The following ZFPM1 variants were observed in gnomAD, a reference collection of about 807,000 sequenced individuals.
The protein encoded by ZFPM1 is zinc finger protein, FOG family member 1, also known as zinc finger protein ZFPM1.
ZFPM1 carries 28 observed loss-of-function variants against 46.3 expected under a neutral mutation model. That is an observed-to-expected ratio of 0.60 (90% CI 0.45 to 0.83). The LOEUF (loss-of-function observed/expected upper bound fraction) is 0.83. Among genes scored for constraint, ZFPM1 ranks in the 40% least tolerant of loss-of-function variants. ZFPM1 has a pLI of 0.00. For synonymous variants in ZFPM1, 957 were observed against 675.9 expected (o/e 1.42, Z -6.45); for missense variants, 1,878 against 1,432.4 (o/e 1.31, Z -5.02).
At chr16:88,464,853 C>T (rs1023830866) in intron 1 of ZFPM1, among the ~76,000 whole-genome samples, 1 of 152,130 alleles carries the variant, frequency 6.6e-6, no homozygotes, top group African/African-American at 2.4e-5. Context: ...ACCAGCTTCT[C>T]GGTGGCCAAT....
intron 3 of ZFPM1, among the ~76,000 whole-genome samples, chr16:88,491,416 G>A (rs1909566887): frequency 6.6e-6 from 1 of 152,204 alleles, no homozygotes; most frequent in Admixed American, 6.5e-5. Flanking sequence ...CCCCAAGAGG[G>A]GCCGAGATGG....
chr16:88,536,650 T>C lies in ZFPM1; in HGVS notation c.*1671T>C, dbSNP rs1186163828. ...GGGCCTGGGTCTGCAGCGCTTTCAG[T>C]GGTCTCTGATGTCTTTGTCCACCTG... On this transcript the variant is annotated 3_prime_UTR_variant, in exon 10 of 10. Transcript: ENST00000319555. 1.3e-5 allele frequency: 2 copies of C among 152,296 alleles called. No homozygotes were observed. The highest frequency in any genetic ancestry group is 4.8e-5 in the African/African-American group (2 of 41,444). The allele number at this position is 152,296 out of a possible 1,614,324, so 9.4% of individuals were successfully genotyped here. A position where few individuals can be genotyped will look rare whatever the true frequency, so the allele number is the denominator to read the frequency against.
chr16:88,493,523 GGAGCTGTCCCGGGGTGGGGA>G (rs780360291), intron 3 of ZFPM1, among the ~76,000 whole-genome samples: 17,437 of 111,322 alleles, frequency 0.16, 1,659 homozygotes, highest in South Asian at 0.21. Context: ...CAGGGTGCGG[GGAGCTGTCCCGGGGTGGGGA>G]GAGCTGTCCC....
chr16:88,528,023 TC>T lies in ZFPM1; in HGVS notation c.506-6del. ...AAAGTCCTAGGTTTGGACACCTGTC[TC>T]CCTCCAGATGACGCACTCTGGTGCA... On this transcript the variant is annotated splice_polypyrimidine_tract_variant and splice_region_variant and intron_variant, in intron 5 of 9. Transcript: ENST00000319555. The T allele has an allele frequency of 6.5e-7, 1 of 1,532,064 alleles. No individual in the cohort carries two copies. Among genetic ancestry groups the T allele is most frequent in the Non-Finnish European group, 8.8e-7 (1 of 1,133,952 alleles). The allele number at this position is 1,532,064 out of a possible 1,614,324, so 94.9% of individuals were successfully genotyped here. A position where few individuals can be genotyped will look rare whatever the true frequency, so the allele number is the denominator to read the frequency against.
At chr16:88,512,212 G>A (rs1911008051) in intron 3 of ZFPM1, among the ~76,000 whole-genome samples, 2 of 152,210 alleles carry the variant, frequency 1.3e-5, no homozygotes, top group Admixed American at 1.3e-4. Context: ...GGGTAGGGTG[G>A]GCACCAGTTC....
intron 5 of ZFPM1, among the ~76,000 whole-genome samples, chr16:88,527,747 T>C (rs1016355959): frequency 6.6e-6 from 1 of 151,678 alleles, no homozygotes; most frequent in African/African-American, 2.4e-5. Flanking sequence ...TCTCCCCTAG[T>C]TACTCCACCA....
chr16:88,482,468 C>T (rs1257635871), intron 1 of ZFPM1, among the ~76,000 whole-genome samples: 1 of 152,232 alleles, frequency 6.6e-6, no homozygotes, highest in Non-Finnish European at 1.5e-5. Context: ...TTTCTCCACG[C>T]TCATCACCAC....
At chr16:88,479,781 C>A (rs1352864185) in intron 1 of ZFPM1, among the ~76,000 whole-genome samples, 1 of 147,256 alleles carries the variant, frequency 6.8e-6, no homozygotes, top group Non-Finnish European at 1.5e-5. Flanking sequence ...CCCAGCCCCA[C>A]CCCTCTCCCA....
At chr16:88,484,675 C>T (rs1284711213) in intron 1 of ZFPM1, among the ~76,000 whole-genome samples, 3 of 152,260 alleles carry the variant, frequency 2.0e-5, no homozygotes, top group Middle Eastern at 3.4e-3. Context: ...AGTCGCAGCA[C>T]GCAGGCTGAG....
chr16:88,519,897 A>G (rs923441623), intron 4 of ZFPM1, among the ~76,000 whole-genome samples: 3 of 145,932 alleles, frequency 2.1e-5, no homozygotes, highest in African/African-American at 7.7e-5. Flanking sequence ...ATGTGTAGGT[A>G]GATGGATTGA....
upstream of ZFPM1, among the ~76,000 whole-genome samples, chr16:88,452,002 G>A (rs1907301136): frequency 6.6e-6 from 1 of 152,162 alleles, no homozygotes. Flanking sequence ...GGCACGAGAT[G>A]GGGTCTTAGG....
intron 9 of ZFPM1, 103 bp from the exon 10 acceptor site, chr16:88,533,045 A>G: frequency 6.7e-7 from 1 of 1,500,558 alleles, no homozygotes; most frequent in Non-Finnish European, 8.9e-7. Context: ...CTTCGCTCTA[A>G]ACCACTCCCG....
chr16:88,518,737 GTGGATGGATGGATGGATGGA>G (rs56367074), intron 4 of ZFPM1, among the ~76,000 whole-genome samples: 2 of 126,122 alleles, frequency 1.6e-5, no homozygotes, highest in Admixed American at 7.7e-5. Flanking sequence ...GGCTGAGAGG[GTGGATGGATGGATGGATGGA>G]TGGATGGATG....
Position 88,533,722 on chromosome 16 carries a change from C to T in ZFPM1, c.1764C>T (p.Asn588=), listed in dbSNP as rs755755188. 4.6e-6 allele frequency: 7 copies of T among 1,512,276 alleles called. No homozygotes were observed. The East Asian group carries it at 8.4e-5, about 18-fold the overall frequency. The allele number at this position is 1,512,276 out of a possible 1,614,324, so 93.7% of individuals were successfully genotyped here. A position where few individuals can be genotyped will look rare whatever the true frequency, so the allele number is the denominator to read the frequency against. Residue 588 remains asparagine, a synonymous_variant, in exon 10 of 10, where the codon AAC becomes AAT. Coordinates refer to ENST00000319555, the MANE Select transcript of ZFPM1 (RefSeq NM_153813.3). ...TCGAGTGCGAGATCACCTTCAGCAA[C>T]GTCAACAACTACTACGTGCACAAGC... ...TCFECEITFS[N]VNNYYVHKRL... is the part of the protein sequence containing the mutation.
At chr16:88,517,473 TGGG>T (rs1911409050) in intron 4 of ZFPM1, among the ~76,000 whole-genome samples, 1 of 137,582 alleles carries the variant, frequency 7.3e-6, no homozygotes, top group Non-Finnish European at 1.6e-5. Flanking sequence ...GATGGATGGC[TGGG>T]TGGATGGATG....
chr16:88,502,595 G>C (rs1308165818), intron 3 of ZFPM1, among the ~76,000 whole-genome samples: 2 of 152,326 alleles, frequency 1.3e-5, no homozygotes, highest in East Asian at 3.9e-4. Flanking sequence ...AGTGCTGCTG[G>C]AGGCAGTGGC....
intron 2 of ZFPM1, among the ~76,000 whole-genome samples, chr16:88,488,556 T>C (rs1463830356): frequency 6.6e-6 from 1 of 151,096 alleles, no homozygotes; most frequent in Admixed American, 6.6e-5. Context: ...GTATTAATAA[T>C]CTGTAGACAC....
At chr16:88,452,471 G>C (rs1193961831), upstream of ZFPM1, among the ~76,000 whole-genome samples, 8 of 152,216 alleles carry the variant, frequency 5.3e-5, no homozygotes. Flanking sequence ...CAGGGCTGCC[G>C]GCTCCCGCGC....
rs751924806 is a variant in ZFPM1, at chr16:88,532,135, C to T, written c.846C>T (p.Pro282=). 1.9e-6 allele frequency: 3 copies of T among 1,612,532 alleles called. No individual in the cohort carries two copies. Residue 282 remains proline (P), a synonymous_variant, in exon 7 of 10, where the codon CCC becomes CCT. Coordinates refer to ENST00000319555, the MANE Select transcript of ZFPM1 (RefSeq NM_153813.3). ...CCGCAGCCGCCACAGACGAGAAGCCCAAAGAGACCTACCCCAACGAGCGCG... is the reference window on the plus strand; with the variant it reads ...CCGCAGCCGCCACAGACGAGAAGCCTAAAGAGACCTACCCCAACGAGCGCG... ...SPAAAATDEK[P]KETYPNERVC... is the part of the protein sequence containing the mutation.
Sources: allele counts gnomAD v4.1 joint callset (sites outside exome capture counted in the v4.1 genomes callset), GRCh38; gene constraint gnomAD v4.1.1; transcripts MANE v1.5; gene names NCBI Gene and HGNC (gene_info 2026-07-23, HGNC 2026-07-21).